VAV2: variants seen among roughly 807,000 people sequenced by gnomAD.
VAV2 encodes the protein vav guanine nucleotide exchange factor 2.
A neutral mutation model predicts 132.5 loss-of-function variants in VAV2; 67 were observed. The observed-to-expected ratio is 0.51, with a 90% confidence interval of 0.42 to 0.62. VAV2 has a LOEUF of 0.62. Ranked by LOEUF, VAV2 falls within the 20% of genes least tolerant of loss-of-function variation. VAV2 has a pLI of 0.00. For synonymous variants in VAV2, 492 were observed against 443.5 expected (o/e 1.11, Z -1.37); for missense variants, 938 against 1,153.6 (o/e 0.81, Z 2.71).
rs138594344 is a variant in VAV2, at chr9:133,910,536, C to G, written c.321+28567G>C. 7.9e-3 allele frequency among the ~76,000 whole-genome samples: 1,198 copies of G among 151,744 alleles called. 20 individuals carry two copies. Among genetic ancestry groups the G allele is most frequent in the African/African-American group, 0.027 (1,122 of 41,362 alleles). On this transcript the variant is annotated intron_variant, in intron 2 of 29. Transcript: ENST00000371850. ...AGAAAATCAGGGACAGAAGGCTGGG[C>G]GCGGTGGCTCACACCTGTAATCCCA...
At chr9:133,844,265 C>T (rs1408763051) in intron 3 of VAV2, among the ~76,000 whole-genome samples, 9 of 152,206 alleles carry the variant, frequency 5.9e-5, no homozygotes, top group Non-Finnish European at 1.2e-4. Flanking sequence ...AAGGGAACCT[C>T]GGCTGGCACC....
rs916742841 is a variant in VAV2, at chr9:133,824,401, C to T, written c.449+9871G>A. ...ACCCTCCTAAAACCCCAGCCCAAAA[C>T]GGCCCTCAGTTCCCGAGAACAGACA... On this transcript the variant is annotated intron_variant, in intron 4 of 29. Coordinates refer to ENST00000371850, the MANE Select transcript of VAV2 (RefSeq NM_001134398.2). The surrounding 1 kb of genome is among the most constrained non-coding windows in gnomAD (Gnocchi z 5.2). Among the ~76,000 whole-genome samples, 3 of 151,694 alleles carry T rather than the reference C, an allele frequency of 2.0e-5. No individual in the cohort carries two copies. The highest frequency in any genetic ancestry group is 4.9e-5 in the African/African-American group (2 of 41,126).
intron 3 of VAV2, among the ~76,000 whole-genome samples, chr9:133,853,066 G>T (rs541708761): frequency 3.3e-5 from 5 of 152,290 alleles, no homozygotes; most frequent in Admixed American, 2.0e-4. Flanking sequence ...GAGGTGGCAA[G>T]ACTGGATTCC....
At chr9:133,779,147 TC>T (rs1833917226) in intron 21 of VAV2, among the ~76,000 whole-genome samples, 1 of 152,286 alleles carries the variant, frequency 6.6e-6, no homozygotes, top group Non-Finnish European at 1.5e-5. Context: ...TGTGTTTTCT[TC>T]CAAACACCCT....
Position 133,961,392 on chromosome 9 carries a change from T to C in VAV2, c.205-22173A>G, listed in dbSNP as rs907728203. On this transcript the variant is annotated intron_variant, in intron 1 of 29. Coordinates refer to ENST00000371850, the MANE Select transcript of VAV2 (RefSeq NM_001134398.2). This position sits in a 1 kb window ranked among gnomAD's most constrained non-coding sequence, Gnocchi z 4.1. ...GTGCAGTTTTGCACCCAGAAACTGGTCAGGCTTCTGATGGGAACGGAGGTT... is the reference window on the plus strand; with the variant it reads ...GTGCAGTTTTGCACCCAGAAACTGGCCAGGCTTCTGATGGGAACGGAGGTT... Among the ~76,000 whole-genome samples the C allele has an allele frequency of 6.6e-6, 1 of 152,096 alleles. No individual in the cohort carries two copies. Among genetic ancestry groups the C allele is most frequent in the Admixed American group, 6.5e-5 (1 of 15,270 alleles).
intron 2 of VAV2, among the ~76,000 whole-genome samples, chr9:133,889,503 G>A (rs1055370636): frequency 6.6e-6 from 1 of 152,170 alleles, no homozygotes; most frequent in Non-Finnish European, 1.5e-5. Flanking sequence ...ACTAAGGGAT[G>A]CTTGGGAGGG....
chr9:133,851,274 C>T (rs1837156588), intron 3 of VAV2, among the ~76,000 whole-genome samples: 1 of 152,216 alleles, frequency 6.6e-6, no homozygotes, highest in African/African-American at 2.4e-5. Flanking sequence ...TCCCCATTTG[C>T]AGAGGAGGAA....
At chr9:133,938,616 G>C (rs1588143938) in intron 2 of VAV2, among the ~76,000 whole-genome samples, 1 of 152,094 alleles carries the variant, frequency 6.6e-6, no homozygotes, top group South Asian at 2.1e-4. Flanking sequence ...CCCAGAGTCA[G>C]AGACAGTTCT....
In VAV2 at chr9:133,783,488, G is replaced by T; in HGVS notation, c.1723+15C>A. The T allele has an allele frequency of 1.3e-6, 2 of 1,509,922 alleles. No individual in the cohort carries two copies. The highest frequency in any genetic ancestry group is 1.6e-5 in the African/African-American group (1 of 61,734). The allele number at this position is 1,509,922 out of a possible 1,614,324, so 93.5% of individuals were successfully genotyped here. On this transcript the variant is annotated intron_variant, in intron 19 of 29. Transcript: ENST00000371850. ...TGGCCAGGGACTGGGGTGGGGGGGT[G>T]AGGGGGGTACTCACTGAACTTGCAG...
intron 1 of VAV2, among the ~76,000 whole-genome samples, chr9:133,964,457 T>C (rs1181609930): frequency 6.6e-6 from 1 of 152,186 alleles, no homozygotes; most frequent in Non-Finnish European, 1.5e-5. Flanking sequence ...TATATAATTT[T>C]GCATGCGTAT....
At chr9:133,977,912 G>A (rs537661954) in intron 1 of VAV2, among the ~76,000 whole-genome samples, 299 of 152,240 alleles carry the variant, frequency 2.0e-3, no homozygotes, top group Non-Finnish European at 2.9e-3. Context: ...GGGATGGGGC[G>A]TCCACCTGCC....
chr9:133,980,965 A>G (rs968630517), intron 1 of VAV2, among the ~76,000 whole-genome samples: 1 of 151,522 alleles, frequency 6.6e-6, no homozygotes, highest in Non-Finnish European at 1.5e-5. Context: ...TCCTCCGGGA[A>G]GCTCTCCGCC....
chr9:133,982,464 G>A (rs1842727955), intron 1 of VAV2, among the ~76,000 whole-genome samples: 1 of 152,004 alleles, frequency 6.6e-6, no homozygotes, highest in East Asian at 1.9e-4. Context: ...CTGGCTGGCA[G>A]GGCAGGAGGC....
intron 2 of VAV2, among the ~76,000 whole-genome samples, chr9:133,889,742 T>C (rs1256867685): frequency 8.5e-6 from 1 of 117,342 alleles, no homozygotes; most frequent in Non-Finnish European, 2.0e-5. Flanking sequence ...TCAGAAGACA[T>C]TTCATTTACA....
At chr9:133,816,936 G>C (rs1289003476) in intron 4 of VAV2, among the ~76,000 whole-genome samples, 1 of 152,136 alleles carries the variant, frequency 6.6e-6, no homozygotes, top group African/African-American at 2.4e-5. Flanking sequence ...ATCTAGCTTT[G>C]TTCTTCTACA....
chr9:133,987,026 A>G lies in VAV2; in HGVS notation c.204+5049T>C, dbSNP rs1298995152. Among the ~76,000 whole-genome samples the G allele has an allele frequency of 2.0e-5, 3 of 148,756 alleles. No individual in the cohort carries two copies. In the East Asian group the frequency reaches 5.8e-4, roughly 29 times the overall value. Reference sequence around the variant, plus strand: ...ATATTTATTTATTTTATTATTATTTATTTATTATATATTTATTTATTTATT... The same window carrying G: ...ATATTTATTTATTTTATTATTATTTGTTTATTATATATTTATTTATTTATT... On this transcript the variant is annotated intron_variant, in intron 1 of 29. Transcript: ENST00000371850.
chr9:133,796,923 G>A (rs1834741819), intron 10 of VAV2, among the ~76,000 whole-genome samples: 1 of 152,218 alleles, frequency 6.6e-6, no homozygotes, highest in African/African-American at 2.4e-5. Flanking sequence ...TCTGGCCTCT[G>A]GGAGAAGCAA....
rs948939610 is a variant in VAV2 at position 133,795,567 on chromosome 9, C to T, written c.1101+101G>A. On this transcript the variant is annotated intron_variant, in intron 12 of 29. Transcript: ENST00000371850. Reference sequence around the variant, plus strand: ...AACTCCTGCTGTCCCAGGAAACTGTCCACAGTCAAAACTGAGGCTCGTTAA... The same window carrying T: ...AACTCCTGCTGTCCCAGGAAACTGTTCACAGTCAAAACTGAGGCTCGTTAA... The T allele has an allele frequency of 6.1e-5, 88 of 1,431,858 alleles. No individual in the cohort carries two copies. In the Admixed American group the frequency reaches 7.0e-4, roughly 11 times the overall value. 88.7% of individuals were successfully genotyped at this position (1,431,858 alleles called of 1,614,324 possible).
chr9:133,880,979 C>T (rs1049796870), intron 2 of VAV2, among the ~76,000 whole-genome samples: 1 of 152,134 alleles, frequency 6.6e-6, no homozygotes, highest in East Asian at 1.9e-4. Flanking sequence ...CAGCACAGTC[C>T]CCCCACTGTC....
Sources: allele counts gnomAD v4.1 joint callset (sites outside exome capture counted in the v4.1 genomes callset), GRCh38; gene constraint gnomAD v4.1.1; non-coding constraint Gnocchi (gnomAD v3.1); transcripts MANE v1.5; gene names NCBI Gene and HGNC (gene_info 2026-07-23, HGNC 2026-07-21).